CECR2: variants seen among roughly 807,000 people sequenced by gnomAD.
CECR2 encodes the protein CECR2 histone acetyl-lysine reader, also known as chromatin remodeling regulator CECR2.
In CECR2, 30 loss-of-function variants were observed where a neutral mutation model predicts 154.5. That is an observed-to-expected ratio of 0.19 (90% CI 0.15 to 0.26). CECR2 has a LOEUF of 0.26. Ranked by LOEUF, CECR2 falls within the 10% of genes least tolerant of loss-of-function variation. CECR2 has a pLI of 1.00. For synonymous variants in CECR2, 725 were observed against 683.7 expected (o/e 1.06, Z -0.94); for missense variants, 1,743 against 1,829.3 (o/e 0.95, Z 0.86).
chr22:17,415,836 T>C (rs1236562422), intron 1 of CECR2, among the ~76,000 whole-genome samples: 2 of 152,208 alleles, frequency 1.3e-5, no homozygotes, highest in African/African-American at 4.8e-5. Context: ...CTTTTATCTC[T>C]CTGTTGTTTG....
chr22:17,513,348 T>C (rs545417916), intron 8 of CECR2, among the ~76,000 whole-genome samples: 14 of 152,228 alleles, frequency 9.2e-5, no homozygotes, highest in Non-Finnish European at 1.6e-4. Context: ...CTCTGGACCA[T>C]GTCTTTGAAT....
chr22:17,543,943 G>A (rs2056570633), intron 16 of CECR2, among the ~76,000 whole-genome samples: 1 of 152,154 alleles, frequency 6.6e-6, no homozygotes, highest in Non-Finnish European at 1.5e-5. Context: ...AAAATCCAAG[G>A]CATGGAAATG....
At chr22:17,477,219 G>A (rs1411741164) in intron 1 of CECR2, 2 of 701,238 alleles carry the variant, frequency 2.9e-6, no homozygotes, top group African/African-American at 1.8e-5. Flanking sequence ...CCTCTCTTTT[G>A]CGATTAAAAT....
chr22:17,552,921 G>C lies in CECR2; in HGVS notation c.*81G>C. The C allele has an allele frequency of 6.5e-6, 10 of 1,528,990 alleles. No homozygotes were observed. In the South Asian group the frequency reaches 1.3e-4, roughly 19 times the overall value. 94.7% of individuals were successfully genotyped at this position (1,528,990 alleles called of 1,614,324 possible). On this transcript the variant is annotated 3_prime_UTR_variant, in exon 19 of 19. Transcript: ENST00000262608. ...TGGAGAACTGGGGAGTGCCCTGTCA[G>C]CTCTATTCCCATCACCTGCTCCACC...
At chr22:17,394,478 A>T (rs1280280074) in intron 1 of CECR2, among the ~76,000 whole-genome samples, 2 of 151,762 alleles carry the variant, frequency 1.3e-5, no homozygotes, top group Non-Finnish European at 2.9e-5. Flanking sequence ...TAAAGCTTTG[A>T]GCGTGAACCA....
chr22:17,491,569 G>A (rs1440572865), intron 2 of CECR2, among the ~76,000 whole-genome samples: 1 of 73,614 alleles, frequency 1.4e-5, no homozygotes, highest in Admixed American at 1.5e-4. Flanking sequence ...TTCTTATTCT[G>A]TGTGTGTGTG....
At chr22:17,483,670 T>G (rs2055369187) in intron 2 of CECR2, among the ~76,000 whole-genome samples, 1 of 152,216 alleles carries the variant, frequency 6.6e-6, no homozygotes, top group African/African-American at 2.4e-5. Flanking sequence ...AATCAAAAAG[T>G]TAAAAGTTTG....
intron 1 of CECR2, among the ~76,000 whole-genome samples, chr22:17,393,535 G>A (rs5747095): frequency 1.3e-5 from 2 of 152,314 alleles, no homozygotes; most frequent in African/African-American, 4.8e-5. Context: ...TATGTACTAA[G>A]AAGTGGAATT....
At position 17,550,599 on chromosome 22, in the gene CECR2, G is replaced by C. The variant is rs371145551; in HGVS notation, c.4277+1035G>C. 9.9e-5 allele frequency among the ~76,000 whole-genome samples: 15 copies of C among 152,236 alleles called. No homozygotes were observed. The East Asian group carries it at 1.5e-3, about 16-fold the overall frequency. On this transcript the variant is annotated intron_variant, in intron 17 of 18. Coordinates refer to ENST00000262608, the MANE Select transcript of CECR2 (RefSeq NM_001290047.2). ...TGTGTAGTGTTGTTCTCCAGATCCA[G>C]TTAGGTGATCTGCCATCCAGGAAGT... is the stretch of plus-strand genomic sequence containing the variant.
rs371506365 is a variant in CECR2 at position 17,542,823 on chromosome 22, C to T, written c.2680C>T (p.Arg894Cys). ...GATTGCGATGCAGCAGCTCTCCTCC[C>T]GCGTCTGCCCCCCAGGTGTGCCTTA... ...EMIAMQQLSS[R>C]VCPPGVPYHP... Residue 894 changes from arginine (R) to cysteine (C), a missense_variant, in exon 16 of 19, where the codon CGC becomes TGC. By Grantham distance (180) the Arg-to-Cys change is radical. Coordinates refer to ENST00000262608, the MANE Select transcript of CECR2 (RefSeq NM_001290047.2). 21 of 1,613,730 alleles carry T rather than the reference C, an allele frequency of 1.3e-5. No individual in the cohort carries two copies. The highest frequency in any genetic ancestry group is 1.6e-4 in the Middle Eastern group (1 of 6,082).
At chr22:17,427,688 G>C (rs867537193) in intron 1 of CECR2, among the ~76,000 whole-genome samples, 1 of 152,200 alleles carries the variant, frequency 6.6e-6, no homozygotes, top group Middle Eastern at 3.4e-3. Context: ...AGGGGACCAG[G>C]GCAGGTTGCG....
intron 1 of CECR2, among the ~76,000 whole-genome samples, chr22:17,412,520 A>C (rs2054082630): frequency 6.6e-6 from 1 of 151,962 alleles, no homozygotes; most frequent in African/African-American, 2.4e-5. Flanking sequence ...GCATTTGCTG[A>C]TTTTCACATT....
intron 9 of CECR2, among the ~76,000 whole-genome samples, chr22:17,536,862 C>A (rs1403388125): frequency 6.6e-6 from 1 of 152,178 alleles, no homozygotes; most frequent in East Asian, 1.9e-4. Flanking sequence ...CTGCCACCTT[C>A]ATCTCCCACC....
chr22:17,524,450 T>C, intron 9 of CECR2, 179 bp downstream of exon 9: 1 of 640,368 alleles, frequency 1.6e-6, no homozygotes, highest in Non-Finnish European at 2.4e-6. Context: ...TGGAGTGCAG[T>C]GGCGTGATCT....
chr22:17,471,664 T>C (rs1297596847), intron 1 of CECR2, among the ~76,000 whole-genome samples: 2 of 151,818 alleles, frequency 1.3e-5, no homozygotes, highest in East Asian at 3.9e-4. Context: ...GCCTCCCCGG[T>C]AGTTGGGATT....
At position 17,369,477 on chromosome 22, in the gene CECR2, G is replaced by C. The variant is rs1297525751; in HGVS notation, c.-307G>C. 1.3e-5 allele frequency: 2 copies of C among 150,686 alleles called. No individual in the cohort carries two copies. The highest frequency in any genetic ancestry group is 1.5e-5 in the Non-Finnish European group (1 of 67,508). 9.3% of individuals were successfully genotyped at this position (150,686 alleles called of 1,614,324 possible). ...CTAGCCCCATCTGTTTCTCCGGCGGGGACTCGATTATATTGTAGGGGACTG... is the reference window on the plus strand; with the variant it reads ...CTAGCCCCATCTGTTTCTCCGGCGGCGACTCGATTATATTGTAGGGGACTG... On this transcript the variant is annotated 5_prime_UTR_variant, in exon 1 of 19. Transcript: ENST00000262608.
At position 17,540,640 on chromosome 22, in the gene CECR2, A is replaced by G. The variant is rs2056507493; in HGVS notation, c.1724A>G (p.Lys575Arg). The change falls in exon 14 of 19, where the codon AAG becomes AGG. Residue 575 changes from lysine (K) to arginine (R), a missense_variant. Coordinates refer to ENST00000262608, the MANE Select transcript of CECR2 (RefSeq NM_001290047.2). Reference sequence around the variant, plus strand: ...CAGCAGCCCATGGAGAATGGAGGAAAGTCGTTGCCCCCCACACGCCGAGCG... The same window carrying G: ...CAGCAGCCCATGGAGAATGGAGGAAGGTCGTTGCCCCCCACACGCCGAGCG... ...RKQQPMENGG[K>R]SLPPTRRAPS... 2 of 1,613,788 alleles carry G rather than the reference A, an allele frequency of 1.2e-6. No individual in the cohort carries two copies. The highest frequency in any genetic ancestry group is 1.7e-6 in the Non-Finnish European group (2 of 1,179,856).
chr22:17,379,950 C>T (rs117128094), intron 1 of CECR2, among the ~76,000 whole-genome samples: 211 of 152,260 alleles, frequency 1.4e-3, no homozygotes, highest in Non-Finnish European at 2.5e-3. Context: ...CATTGAATGT[C>T]CATCTCCAAG....
intron 16 of CECR2, among the ~76,000 whole-genome samples, chr22:17,547,654 G>A (rs1216692883): frequency 6.6e-6 from 1 of 152,146 alleles, no homozygotes; most frequent in Admixed American, 6.5e-5. Context: ...ACAGTGAGAC[G>A]GAGAAGTCCC....
Sources: gnomAD v4.1 joint callset for allele counts (sites outside exome capture counted in the v4.1 genomes callset) on GRCh38, gnomAD v4.1.1 for gene constraint, MANE v1.5 for transcripts, NCBI Gene and HGNC (gene_info 2026-07-23, HGNC 2026-07-21) for gene names.